The following PPARGC1A variants were observed in gnomAD, a reference collection of about 807,000 sequenced individuals.
PPARGC1A encodes peroxisome proliferator-activated receptor gamma coactivator 1-alpha.
Under a neutral mutation model 88.7 loss-of-function variants are expected in PPARGC1A, and 25 were observed. The ratio of observed to expected loss-of-function variants is 0.28; its 90% confidence interval spans 0.21 to 0.39. The LOEUF (loss-of-function observed/expected upper bound fraction) is 0.39, where lower values mean the gene tolerates loss of function less well. PPARGC1A is among the 10% of genes least tolerant of loss of function. The pLI, the probability that PPARGC1A is intolerant of heterozygous loss-of-function variation, is 1.00. For synonymous variants in PPARGC1A, 363 were observed against 355.6 expected, an observed-to-expected ratio of 1.02 and a Z score of -0.24; for missense variants, 880 against 968.7, an observed-to-expected ratio of 0.91 and a Z score of 1.22.
the PPARGC1A span, among the ~76,000 whole-genome samples, chr4:24,073,591 A>T: frequency 6.6e-6 from 1 of 152,302 alleles, no homozygotes. Flanking sequence ...TGGGAGTGAT[A>T]GCGAGATGAT....
chr4:23,910,425 A>T, the PPARGC1A span, among the ~76,000 whole-genome samples: 1 of 116,086 alleles, frequency 8.6e-6, no homozygotes, highest in African/African-American at 3.4e-5. Context: ...ATATATTATT[A>T]ATATAATATA....
the PPARGC1A span, among the ~76,000 whole-genome samples, chr4:24,094,716 A>G: frequency 6.6e-6 from 1 of 152,204 alleles, no homozygotes; most frequent in South Asian, 2.1e-4. Context: ...GTGTCTCCAA[A>G]TTGTAAACAT....
At chr4:24,387,849 A>AG in the PPARGC1A span, among the ~76,000 whole-genome samples, 3 of 88,058 alleles carry the variant, frequency 3.4e-5, no homozygotes, top group Non-Finnish European at 5.9e-5. Flanking sequence ...AGAGAGAGAG[A>AG]AAGAGAGAAA....
chr4:23,924,856 C>T, the PPARGC1A span, among the ~76,000 whole-genome samples: 4 of 152,088 alleles, frequency 2.6e-5, no homozygotes, highest in African/African-American at 9.7e-5. Context: ...CTGCTCTGTC[C>T]CCCTTCATAC....
At chr4:23,887,875 A>T (rs1717172967) in intron 1 of PPARGC1A, among the ~76,000 whole-genome samples, 1 of 152,112 alleles carries the variant, frequency 6.6e-6, no homozygotes, top group Admixed American at 6.6e-5. Flanking sequence ...GCAGTAAAGA[A>T]TGACAGTCTT....
the PPARGC1A span, among the ~76,000 whole-genome samples, chr4:24,257,068 T>C: frequency 6.6e-6 from 1 of 152,158 alleles, no homozygotes; most frequent in Non-Finnish European, 1.5e-5. Flanking sequence ...TTGTTCATTG[T>C]AGGGATGAAT....
the PPARGC1A span, among the ~76,000 whole-genome samples, chr4:24,434,114 G>A: frequency 6.6e-6 from 1 of 152,130 alleles, no homozygotes; most frequent in East Asian, 1.9e-4. Flanking sequence ...CCCAAAAGAG[G>A]AAAGAAAGAA....
At chr4:24,409,436 AT>A in the PPARGC1A span, among the ~76,000 whole-genome samples, 7 of 152,222 alleles carry the variant, frequency 4.6e-5, no homozygotes, top group East Asian at 1.9e-4. Flanking sequence ...TGTGCAAAGA[AT>A]TTTTTTTCCT....
At chr4:24,212,340 C>A in the PPARGC1A span, among the ~76,000 whole-genome samples, 5 of 152,110 alleles carry the variant, frequency 3.3e-5, no homozygotes, top group African/African-American at 1.2e-4. Context: ...TGAATAATGT[C>A]ATAATTAAGG....
intron 1 of PPARGC1A, among the ~76,000 whole-genome samples, chr4:23,899,032 G>A (rs1386288330): frequency 6.6e-6 from 1 of 151,928 alleles, no homozygotes; most frequent in African/African-American, 2.4e-5. Context: ...AGTAGAGACG[G>A]GGTTTCACCA....
intron 2 of PPARGC1A, among the ~76,000 whole-genome samples, chr4:23,880,217 G>C (rs1233099064): frequency 6.6e-6 from 1 of 152,042 alleles, no homozygotes. Context: ...GCATATACTT[G>C]TATATTTGTA....
the PPARGC1A span, among the ~76,000 whole-genome samples, chr4:24,399,743 C>A: frequency 6.6e-6 from 1 of 151,800 alleles, no homozygotes; most frequent in African/African-American, 2.4e-5. Context: ...TGATGTTCAT[C>A]ATATCTTATT....
chr4:24,278,791 AT>A, the PPARGC1A span, among the ~76,000 whole-genome samples: 6 of 151,562 alleles, frequency 4.0e-5, no homozygotes, highest in Admixed American at 2.6e-4. Flanking sequence ...AAGTCGTATG[AT>A]TTTTTTTTAC....
chr4:23,960,120 C>A, the PPARGC1A span, among the ~76,000 whole-genome samples: 2 of 152,096 alleles, frequency 1.3e-5, no homozygotes, highest in South Asian at 4.2e-4. Flanking sequence ...TTTGAAATCC[C>A]CTGATAAGGT....
the PPARGC1A span, among the ~76,000 whole-genome samples, chr4:24,225,569 A>T: frequency 3.6e-5 from 5 of 139,210 alleles, no homozygotes; most frequent in African/African-American, 5.6e-5. Context: ...AAAACAAAAT[A>T]AAAAAAAAAA....
At chr4:23,926,408 TC>T in the PPARGC1A span, among the ~76,000 whole-genome samples, 12 of 151,856 alleles carry the variant, frequency 7.9e-5, no homozygotes, top group African/African-American at 2.9e-4. Flanking sequence ...TTCTTAAGTC[TC>T]TTCCTTCCTT....
chr4:23,971,455 T>C, the PPARGC1A span, among the ~76,000 whole-genome samples: 1 of 152,130 alleles, frequency 6.6e-6, no homozygotes, highest in Non-Finnish European at 1.5e-5. Context: ...TATTAAGTAG[T>C]ATTAACTCAC....
chr4:23,882,736 G>T (rs1304030426), intron 2 of PPARGC1A: 2 of 152,092 alleles, frequency 1.3e-5, no homozygotes, highest in East Asian at 1.9e-4. Context: ...GAGACAAAAA[G>T]GGTGGCATGG....
chr4:24,331,034 C>A, the PPARGC1A span, among the ~76,000 whole-genome samples: 1 of 152,188 alleles, frequency 6.6e-6, no homozygotes, highest in East Asian at 1.9e-4. Flanking sequence ...AGGCATCTAG[C>A]CTTACCATTC....
Sources: allele counts gnomAD v4.1 joint callset (sites outside exome capture counted in the v4.1 genomes callset), GRCh38; gene constraint gnomAD v4.1.1; transcripts MANE v1.5; gene names NCBI Gene and HGNC (gene_info 2026-07-23, HGNC 2026-07-21).